The following HSF5 variants were observed in gnomAD, a reference collection of about 807,000 sequenced individuals.
HSF5 encodes heat shock factor protein 5.
Under a neutral mutation model 50.8 loss-of-function variants are expected in HSF5, and 5 were observed. The ratio of observed to expected loss-of-function variants is 0.10; its 90% CI spans 0.05 to 0.21. HSF5 has a LOEUF of 0.21. Ranked by LOEUF, HSF5 falls within the 10% of genes least tolerant of loss-of-function variation. The probability of loss-of-function intolerance (pLI) is 1.00; values close to 1 mark genes in which losing one functional copy is unlikely to be tolerated. For missense variants in HSF5, 564 were observed against 762.6 expected (o/e 0.74, Z 3.07); for synonymous variants, 307 against 307.4 (o/e 1.00, Z 0.02).
intron 5 of HSF5, among the ~76,000 whole-genome samples, chr17:58,437,869 G>C (rs1974446555): frequency 6.6e-6 from 1 of 152,106 alleles, no homozygotes; most frequent in Non-Finnish European, 1.5e-5. Context: ...TAACACTATA[G>C]CAAACTTATT....
At chr17:58,486,373 T>C (rs1975180879) in intron 1 of HSF5, among the ~76,000 whole-genome samples, 1 of 151,988 alleles carries the variant, frequency 6.6e-6, no homozygotes. Context: ...CTCAAAAAAA[T>C]AAACAAATAA....
Position 58,480,130 on chromosome 17 carries a change from T to C in HSF5, c.688A>G (p.Ile230Val). 6.2e-7 allele frequency: 1 copy of C among 1,614,180 alleles called. No individual in the cohort carries two copies. The highest frequency in any genetic ancestry group is 8.5e-7 in the Non-Finnish European group (1 of 1,180,026). ...TGCATTCCAAGGGAGTTCTGCCATA[T>C]TCTATGAGGAACTGGGGTCCGATCT... ...GLDRTPVPHRIWQNSLGMHPG... is the reference protein window; with the variant it reads ...GLDRTPVPHRVWQNSLGMHPG... The change falls in exon 2 of 6, where the codon ATA (isoleucine) becomes GTA (valine). Residue 230 changes from isoleucine to valine, a missense_variant. Physicochemically the swap from Ile to Val is conservative, Grantham distance 29. Around this residue, in one of 5 missense-constraint regions of HSF5, gnomAD observed 441 missense variants for 533.6 expected, o/e 0.83. Coordinates refer to ENST00000323777, the MANE Select transcript of HSF5 (RefSeq NM_001080439.3).
At chr17:58,433,384 G>A (rs945651520) in intron 5 of HSF5, among the ~76,000 whole-genome samples, 1 of 152,306 alleles carries the variant, frequency 6.6e-6, no homozygotes, top group Middle Eastern at 3.4e-3. Context: ...ATCCAAAGAC[G>A]TAGCGTAGGC....
At position 58,463,096 on chromosome 17, in the gene HSF5, G is replaced by A; in HGVS notation, c.1228C>T (p.His410Tyr). 2 of 1,614,200 alleles carry A rather than the reference G, an allele frequency of 1.2e-6. No homozygotes were observed. The highest frequency in any genetic ancestry group is 1.7e-6 in the Non-Finnish European group (2 of 1,180,028). Residue 410 changes from histidine to tyrosine, a missense_variant, in exon 4 of 6, where the codon CAC becomes TAC. His to Tyr is a moderately conservative substitution (Grantham distance 83). This residue lies in a region of HSF5 where 441 missense variants were observed against 533.6 expected (regional missense o/e 0.83). Coordinates refer to ENST00000323777, the MANE Select transcript of HSF5 (RefSeq NM_001080439.3). ...CTGTTGTTAGAATTAGCTAAAATGT[G>A]TTGGCCTCTGTAAGACGGAGATGTT... ...CPTSPSYRGQ[H>Y]ILANSNNSNP...
rs2143807007 is a variant in HSF5, at chr17:58,480,253, C to T, written c.565G>A (p.Gly189Arg). 6.2e-7 allele frequency: 1 copy of T among 1,609,374 alleles called. No individual in the cohort carries two copies. Residue 189 changes from glycine (G) to arginine (R), a missense_variant, in exon 2 of 6, where the codon GGA (glycine) becomes AGA (arginine). Around this residue, in one of 5 missense-constraint regions of HSF5, gnomAD observed 441 missense variants for 533.6 expected, o/e 0.83. Coordinates refer to ENST00000323777, the MANE Select transcript of HSF5 (RefSeq NM_001080439.3). ...CGACGAAATGACCGGTGAAATTGTC[C>T]TACAGCCACTGGTCCTACATAAAAG... ...RPEPHGPVAV[G>R]QFHRSFRRDS...
intron 5 of HSF5, among the ~76,000 whole-genome samples, chr17:58,448,827 T>G (rs1213160314): frequency 6.6e-6 from 1 of 152,236 alleles, no homozygotes; most frequent in Non-Finnish European, 1.5e-5. Flanking sequence ...TTGTGATATA[T>G]AAACCACTGA....
Position 58,480,062 on chromosome 17 carries a change from C to T in HSF5, c.756G>A (p.Gly252=). 1 of 1,614,074 alleles carries T rather than the reference C, an allele frequency of 6.2e-7. No homozygotes were observed. Among genetic ancestry groups the T allele is most frequent in the Non-Finnish European group, 8.5e-7 (1 of 1,180,000 alleles). The part of the protein sequence containing the change: ...VETSPTFSDK[G]VPFPVLQRFP... Reference sequence around the variant, plus strand: ...ACCTCTGGAGTACAGGAAACGGAACCCCTTTATCTGAAAATGTGGGAGATG... The same window carrying T: ...ACCTCTGGAGTACAGGAAACGGAACTCCTTTATCTGAAAATGTGGGAGATG... The change falls in exon 2 of 6, where the codon GGG becomes GGA. Residue 252 remains glycine, a synonymous_variant. Coordinates refer to ENST00000323777, the MANE Select transcript of HSF5 (RefSeq NM_001080439.3).
At chr17:58,440,717 T>C (rs1974488753) in intron 5 of HSF5, among the ~76,000 whole-genome samples, 1 of 152,068 alleles carries the variant, frequency 6.6e-6, no homozygotes, top group Admixed American at 6.5e-5. Context: ...AGGAGGCAAA[T>C]TCCAAGCTTG....
Position 58,422,362 on chromosome 17 carries a change from A to G in HSF5, c.1789T>C (p.Ter597ArgextTer11), listed in dbSNP as rs750546771. 4.3e-6 allele frequency: 7 copies of G among 1,610,564 alleles called. No homozygotes were observed. Among genetic ancestry groups the G allele is most frequent in the Non-Finnish European group, 5.1e-6 (6 of 1,177,616 alleles). Residue 597 changes from the stop codon to arginine (R), a stop_lost, in exon 6 of 6, where the codon TGA (stop) becomes CGA (arginine). Transcript: ENST00000323777. ...ATGTCACATTTGTCATCCATTCCTC[A>G]CTCTTTTAATTCTTCCTCCTTTGGA... Reference protein sequence around the residue: ...RFPKEEELKE* With the variant: ...RFPKEEELKER
At chr17:58,433,911 A>ATTTTTTTTTTTTTT (rs59043902) in intron 5 of HSF5, among the ~76,000 whole-genome samples, 2 of 109,340 alleles carry the variant, frequency 1.8e-5, no homozygotes, top group African/African-American at 7.2e-5. Context: ...GGTCAAAGGG[A>ATTTTTTTTTTTTTT]TTTTTTTTTT....
chr17:58,437,397 C>T (rs865852203), intron 5 of HSF5, among the ~76,000 whole-genome samples: 1 of 152,250 alleles, frequency 6.6e-6, no homozygotes, highest in East Asian at 1.9e-4. Flanking sequence ...GCTATAGGAA[C>T]ACTTCAAGTA....
intron 5 of HSF5, among the ~76,000 whole-genome samples, chr17:58,432,570 C>G (rs1974378946): frequency 6.6e-6 from 1 of 152,102 alleles, no homozygotes; most frequent in South Asian, 2.1e-4. Context: ...ACTGCTGGGG[C>G]TGGACTAGAT....
At position 58,487,764 on chromosome 17, in the gene HSF5, G is replaced by T. The variant is rs543934308; in HGVS notation, c.511C>A (p.Gln171Lys). 5.0e-6 allele frequency: 7 copies of T among 1,407,826 alleles called. No individual in the cohort carries two copies. Among genetic ancestry groups the T allele is most frequent in the African/African-American group, 1.5e-5 (1 of 66,390 alleles). 87.2% of individuals were successfully genotyped at this position (1,407,826 alleles called of 1,614,324 possible). ...CGGGGCCCCGCGGGCGGCGGCGGCT[G>T]CTGGTGCTGCAGTGGCGCGGTGGCG... ...SAATAPLQHQ[Q>K]PPPPAGPRPE... is the part of the protein sequence containing the mutation. Residue 171 changes from glutamine (Q) to lysine (K), a missense_variant, in exon 1 of 6, where the codon CAG (glutamine) becomes AAG (lysine). This residue lies in a region of HSF5 where 441 missense variants were observed against 533.6 expected (regional missense o/e 0.83). Coordinates refer to ENST00000323777, the MANE Select transcript of HSF5 (RefSeq NM_001080439.3).
At chr17:58,472,009 A>C (rs1239283244) in intron 2 of HSF5, among the ~76,000 whole-genome samples, 1 of 151,766 alleles carries the variant, frequency 6.6e-6, no homozygotes, top group African/African-American at 2.4e-5. Context: ...GTGCGCCACC[A>C]TGCCTGGCTA....
chr17:58,472,980 G>GA (rs1255260353), intron 2 of HSF5, among the ~76,000 whole-genome samples: 1 of 151,990 alleles, frequency 6.6e-6, no homozygotes, highest in East Asian at 1.9e-4. Context: ...AGATATACCA[G>GA]AAAAAAATTA....
intron 5 of HSF5, among the ~76,000 whole-genome samples, chr17:58,440,693 T>C (rs189354667): frequency 6.6e-6 from 1 of 152,180 alleles, no homozygotes; most frequent in African/African-American, 2.4e-5. Flanking sequence ...AAAACAACCA[T>C]GCTTACTATT....
At chr17:58,425,710 ATC>A (rs1184853557) in intron 5 of HSF5, among the ~76,000 whole-genome samples, 2 of 152,102 alleles carry the variant, frequency 1.3e-5, no homozygotes, top group Non-Finnish European at 2.9e-5. Flanking sequence ...TTTACATAAC[ATC>A]TCTTTTTCAA....
chr17:58,439,438 A>C (rs2632525), intron 5 of HSF5, among the ~76,000 whole-genome samples: 2 of 152,150 alleles, frequency 1.3e-5, no homozygotes, highest in African/African-American at 2.4e-5. Context: ...AAGTTCCCCC[A>C]AAAAGGAACA....
intron 2 of HSF5, among the ~76,000 whole-genome samples, chr17:58,474,036 G>A (rs532124326): frequency 1.2e-4 from 19 of 152,176 alleles, no homozygotes; most frequent in African/African-American, 4.3e-4. Flanking sequence ...TAGAGACTGT[G>A]TTTCACCATG....
Sources: gnomAD v4.1 joint callset for allele counts (sites outside exome capture counted in the v4.1 genomes callset) on GRCh38, gnomAD v4.1.1 for gene constraint, gnomAD v4.1.1 regional missense constraint, MANE v1.5 for transcripts, NCBI Gene and HGNC (gene_info 2026-07-23, HGNC 2026-07-21) for gene names.